The following ZRANB1 variants were observed in gnomAD, a reference collection of about 807,000 sequenced individuals.
The protein encoded by ZRANB1 is zinc finger RANBP2-type containing 1.
ZRANB1 carries 16 observed loss-of-function variants against 80.5 expected under a neutral mutation model. That is an observed-to-expected ratio of 0.20 (90% confidence interval 0.13 to 0.30). The LOEUF is 0.30. ZRANB1 is among the 10% of genes least tolerant of loss of function. ZRANB1 has a pLI of 1.00. For synonymous variants in ZRANB1, 291 were observed against 293.1 expected (o/e 0.99, Z 0.07); for missense variants, 576 against 862.6 (o/e 0.67, Z 4.16).
At chr10:124,957,410 C>T (rs370683383) in intron 1 of ZRANB1, among the ~76,000 whole-genome samples, 4 of 151,940 alleles carry the variant, frequency 2.6e-5, no homozygotes, top group Non-Finnish European at 5.9e-5. Flanking sequence ...GTAAAATATA[C>T]GTAAGATAAA....
chr10:124,974,633 T>G (rs753946277), intron 5 of ZRANB1, among the ~76,000 whole-genome samples: 3 of 152,240 alleles, frequency 2.0e-5, no homozygotes, highest in Non-Finnish European at 4.4e-5. Context: ...TTGCTAAATT[T>G]TAAAATAGAA....
chr10:124,973,763 T>C, intron 4 of ZRANB1, 47 bp downstream of exon 4: 1 of 1,558,416 alleles, frequency 6.4e-7, no homozygotes, highest in Non-Finnish European at 8.7e-7. Flanking sequence ...TCTGATCAAG[T>C]AAGTTTTGTT....
Position 124,965,537 on chromosome 10 carries a change from T to C in ZRANB1, c.815-1057T>C, listed in dbSNP as rs754853356. 1.3e-5 allele frequency among the ~76,000 whole-genome samples: 2 copies of C among 152,238 alleles called. 1 individual carries two copies. The highest frequency in any genetic ancestry group is 2.9e-5 in the Non-Finnish European group (2 of 68,044). Reference sequence around the variant, plus strand: ...AAATTGTTGCATTTTATCAATCTGTTATATTCTAAGGAATATGTCTGATCT... The same window carrying C: ...AAATTGTTGCATTTTATCAATCTGTCATATTCTAAGGAATATGTCTGATCT... On this transcript the variant is annotated intron_variant, in intron 1 of 8. Coordinates refer to ENST00000359653, the MANE Select transcript of ZRANB1 (RefSeq NM_017580.3).
chr10:124,983,763 T>G lies in ZRANB1; in HGVS notation c.1908+75T>G. The G allele has an allele frequency of 9.8e-7, 1 of 1,018,706 alleles. No homozygotes were observed. The highest frequency in any genetic ancestry group is 1.5e-5 in the South Asian group (1 of 65,168). 63.1% of individuals were successfully genotyped at this position (1,018,706 alleles called of 1,614,324 possible). On this transcript the variant is annotated intron_variant, in intron 8 of 8. Transcript: ENST00000359653. This position sits in a 1 kb window ranked among gnomAD's most constrained non-coding sequence, Gnocchi z 6.2. ...AACAGCCTGAAGTGCCTTTCAGGTG[T>G]GGTTTTATCTGCACTATCACTTAAT... is the stretch of plus-strand genomic sequence containing the variant.
At chr10:124,952,338 T>A (rs1378242488) in intron 1 of ZRANB1, among the ~76,000 whole-genome samples, 1 of 152,064 alleles carries the variant, frequency 6.6e-6, no homozygotes, top group East Asian at 1.9e-4. Flanking sequence ...GATGGGACCA[T>A]GAGAAGAGAA....
intron 5 of ZRANB1, chr10:124,981,331 AGGT>A (rs2133996457): frequency 6.5e-6 from 1 of 154,900 alleles, no homozygotes; most frequent in Admixed American, 6.5e-5. Context: ...GTGATCAAGT[AGGT>A]GGTGTACTAT....
chr10:124,926,261 A>T, the ZRANB1 span, among the ~76,000 whole-genome samples: 7 of 152,210 alleles, frequency 4.6e-5, no homozygotes, highest in African/African-American at 7.2e-5. Context: ...TATTTAAAAA[A>T]TTTTCTTCAA....
chr10:124,926,548 G>A, the ZRANB1 span, among the ~76,000 whole-genome samples: 5 of 152,108 alleles, frequency 3.3e-5, no homozygotes, highest in Non-Finnish European at 7.3e-5. Context: ...AATAACATGC[G>A]TAGAGCTATC....
chr10:124,972,281 G>A lies in ZRANB1; in HGVS notation c.1156+163G>A, dbSNP rs116010246. ...TATATGCTGGAAGTGAGCATACAGA[G>A]GATTACTTGTTAGGAAATGCGTCTG... On this transcript the variant is annotated intron_variant, in intron 3 of 8. Coordinates refer to ENST00000359653, the MANE Select transcript of ZRANB1 (RefSeq NM_017580.3). Among the ~76,000 whole-genome samples, 124 of 152,324 alleles carry A rather than the reference G, an allele frequency of 8.1e-4. 1 individual carries two copies. The highest frequency in any genetic ancestry group is 2.8e-3 in the African/African-American group (118 of 41,568).
In ZRANB1 at chr10:124,983,201, C is replaced by T. The variant is rs1049496358; in HGVS notation, c.1575C>T (p.His525=). 6.2e-7 allele frequency: 1 copy of T among 1,613,944 alleles called. No individual in the cohort carries two copies. Among genetic ancestry groups the T allele is most frequent in the Non-Finnish European group, 8.5e-7 (1 of 1,179,932 alleles). Residue 525 remains histidine (H), a synonymous_variant, in exon 7 of 9, where the codon CAC becomes CAT. Transcript: ENST00000359653. The surrounding 1 kb of genome is among the most constrained non-coding windows in gnomAD (Gnocchi z 6.2). ...CTGGAGCAAGCTTGGAGCAGACGCA[C>T]ATTTTTGTACTGGCACATATTCTTA... ...SQPGASLEQT[H]IFVLAHILRR...
rs1952048872 is a variant in ZRANB1 at position 124,986,550 on chromosome 10, A to G, written c.*1558A>G. 6.6e-6 allele frequency: 1 copy of G among 152,196 alleles called. No individual in the cohort carries two copies. Among genetic ancestry groups the G allele is most frequent in the African/African-American group, 2.4e-5 (1 of 41,432 alleles). 9.4% of individuals were successfully genotyped at this position (152,196 alleles called of 1,614,324 possible). The stretch of plus-strand genomic sequence containing the variant: ...AAGATCATTTTTTGCTGCATGCTAA[A>G]TCTTGCAGGAAAAATGATTTTTTAG... On this transcript the variant is annotated 3_prime_UTR_variant, in exon 9 of 9. Coordinates refer to ENST00000359653, the MANE Select transcript of ZRANB1 (RefSeq NM_017580.3).
At chr10:124,955,912 T>TAC in intron 1 of ZRANB1, among the ~76,000 whole-genome samples, 1 of 152,344 alleles carries the variant, frequency 6.6e-6, no homozygotes, top group Non-Finnish European at 1.5e-5. Flanking sequence ...TTGAAAGTAC[T>TAC]TCCTGACACC....
At chr10:124,979,411 T>A (rs1951912455) in intron 5 of ZRANB1, among the ~76,000 whole-genome samples, 1 of 152,256 alleles carries the variant, frequency 6.6e-6, no homozygotes, top group African/African-American at 2.4e-5. Context: ...ATGTTGTTTG[T>A]ATCAGGTCCC....
At chr10:124,968,846 A>G (rs1278511799) in intron 2 of ZRANB1, among the ~76,000 whole-genome samples, 1 of 152,202 alleles carries the variant, frequency 6.6e-6, no homozygotes, top group Non-Finnish European at 1.5e-5. Flanking sequence ...GAACATCAGT[A>G]TATTTATTGC....
the ZRANB1 span, among the ~76,000 whole-genome samples, chr10:124,924,790 G>A: frequency 6.6e-6 from 1 of 152,116 alleles, no homozygotes; most frequent in Non-Finnish European, 1.5e-5. Flanking sequence ...TTGTTCAGAT[G>A]TAAGTTTTTA....
intron 5 of ZRANB1, among the ~76,000 whole-genome samples, chr10:124,977,978 G>C (rs1279079215): frequency 6.6e-6 from 1 of 152,108 alleles, no homozygotes; most frequent in Non-Finnish European, 1.5e-5. Context: ...CCCTGCCACC[G>C]GGGAGCTTTG....
chr10:124,940,843 G>A (rs1014980916), upstream of ZRANB1, among the ~76,000 whole-genome samples: 1 of 151,998 alleles, frequency 6.6e-6, no homozygotes, highest in Non-Finnish European at 1.5e-5. Context: ...CGGGCATGGT[G>A]GCATGCACCT....
chr10:124,942,189 C>G lies in ZRANB1; in HGVS notation c.-305C>G, dbSNP rs1028724473. 88 of 1,166,532 alleles carry G rather than the reference C, an allele frequency of 7.5e-5. No homozygotes were observed. Among genetic ancestry groups the G allele is most frequent in the Non-Finnish European group, 8.6e-5 (81 of 942,320 alleles). 72.3% of individuals were successfully genotyped at this position (1,166,532 alleles called of 1,614,324 possible). On this transcript the variant is annotated 5_prime_UTR_variant, in exon 1 of 9. The change creates a new upstream start codon in the 5' untranslated region. Transcript: ENST00000359653. The stretch of plus-strand genomic sequence containing the variant: ...CCCGTTAATCTCATCCTTCTTAGAT[C>G]AAACCTCGTTATATCTCCTGCCTAT...
At chr10:124,952,589 T>C (rs58703716) in intron 1 of ZRANB1, among the ~76,000 whole-genome samples, 4,133 of 152,180 alleles carry the variant, frequency 0.027, 176 homozygotes, top group African/African-American at 0.093. Flanking sequence ...TTAATACAAA[T>C]AGCTTTTTTA....
Sources: allele counts gnomAD v4.1 joint callset (sites outside exome capture counted in the v4.1 genomes callset), GRCh38; gene constraint gnomAD v4.1.1; non-coding constraint Gnocchi (gnomAD v3.1); transcripts MANE v1.5; gene names NCBI Gene and HGNC (gene_info 2026-07-23, HGNC 2026-07-21).